PDZRN3: variants seen among roughly 807,000 people sequenced by gnomAD.
The protein encoded by PDZRN3 is E3 ubiquitin-protein ligase PDZRN3.
A neutral mutation model predicts 85.7 loss-of-function variants in PDZRN3; 38 were observed. The observed-to-expected ratio is 0.44, with a 90% CI of 0.34 to 0.58. PDZRN3 has a LOEUF of 0.58. Among genes scored for constraint, PDZRN3 ranks in the 20% least tolerant of loss-of-function variants. PDZRN3 has a pLI of 0.01. For missense variants in PDZRN3, 1,629 were observed against 1,506.4 expected, an observed-to-expected ratio of 1.08 and a Z score of -1.35; for synonymous variants, 759 against 638.0, an observed-to-expected ratio of 1.19 and a Z score of -2.86.
intron 3 of PDZRN3, among the ~76,000 whole-genome samples, chr3:73,576,622 T>C (rs1040271097): frequency 1.3e-5 from 2 of 152,224 alleles, no homozygotes; most frequent in African/African-American, 4.8e-5. Context: ...AAGACAAGCA[T>C]CACCACCAAA....
At chr3:73,501,213 C>T (rs1703971362) in intron 3 of PDZRN3, among the ~76,000 whole-genome samples, 1 of 152,188 alleles carries the variant, frequency 6.6e-6, no homozygotes, top group African/African-American at 2.4e-5. Flanking sequence ...ACAGCAGAAC[C>T]AGTTTCCCCA....
intron 1 of PDZRN3, among the ~76,000 whole-genome samples, chr3:73,617,243 T>A (rs1702777448): frequency 6.6e-6 from 1 of 152,218 alleles, no homozygotes; most frequent in Non-Finnish European, 1.5e-5. Context: ...GCCTCTGCTC[T>A]TTAAATTCCC....
Position 73,384,605 on chromosome 3 carries a change from C to T in PDZRN3, c.1961G>A (p.Cys654Tyr), listed in dbSNP as rs1042174685. The T allele has an allele frequency of 3.1e-6, 5 of 1,613,842 alleles. No individual in the cohort carries two copies. Among genetic ancestry groups the T allele is most frequent in the Admixed American group, 3.3e-5 (2 of 60,028 alleles). ...GTAAGGGGTGGCGCTCTTCACCTGG[C>T]ACTTGAGCTCCAGGAGCTCGCGGAA... ...ERFRELLELK[C>Y]QVKSATPYGL... The change falls in exon 10 of 10, where the codon TGC becomes TAC. Residue 654 changes from cysteine to tyrosine, a missense_variant. Coordinates refer to ENST00000263666, the MANE Select transcript of PDZRN3 (RefSeq NM_015009.3).
At chr3:73,621,926 C>G (rs761473706) in intron 1 of PDZRN3, 1 of 152,096 alleles carries the variant, frequency 6.6e-6, no homozygotes, top group Admixed American at 6.5e-5. Context: ...AGATTTTACC[C>G]AAACACTCCA....
chr3:73,542,860 T>C (rs959399011), intron 3 of PDZRN3, among the ~76,000 whole-genome samples: 12 of 152,170 alleles, frequency 7.9e-5, no homozygotes, highest in African/African-American at 2.7e-4. Context: ...TACATTAACT[T>C]CATACAGTCA....
chr3:73,599,322 T>C (rs1423555146), intron 3 of PDZRN3, among the ~76,000 whole-genome samples: 1 of 152,224 alleles, frequency 6.6e-6, no homozygotes. Flanking sequence ...GAGGACATTA[T>C]GCTAACTGAA....
In PDZRN3 at chr3:73,384,841, G is replaced by A; in HGVS notation, c.1725C>T (p.Asp575=). ...AGCTCTCGTCATTACGGGTGCTCTC[G>A]TCGGTCCGCCCCACACCGCTGTCCT... ...HEKDSGVGRT[D]ESTRNDESSE... Residue 575 remains aspartate (D), a synonymous_variant, in exon 10 of 10, where the codon GAC becomes GAT. Transcript: ENST00000263666. 6.2e-7 allele frequency: 1 copy of A among 1,614,138 alleles called. No homozygotes were observed. Among genetic ancestry groups the A allele is most frequent in the African/African-American group, 1.3e-5 (1 of 75,058 alleles).
chr3:73,475,454 T>G (rs1703429750), intron 3 of PDZRN3, among the ~76,000 whole-genome samples: 1 of 151,464 alleles, frequency 6.6e-6, no homozygotes, highest in Non-Finnish European at 1.5e-5. Flanking sequence ...TTCACAGGGT[T>G]CCCCCCCCAA....
chr3:73,492,709 T>C (rs900355785), intron 3 of PDZRN3, among the ~76,000 whole-genome samples: 4 of 152,162 alleles, frequency 2.6e-5, no homozygotes, highest in African/African-American at 9.7e-5. Context: ...GCTCTGCTGT[T>C]CCATAGGCCT....
intron 3 of PDZRN3, chr3:73,433,954 A>C: frequency 1.5e-6 from 2 of 1,341,398 alleles, no homozygotes; most frequent in Non-Finnish European, 1.9e-6. Context: ...ACACACAGAC[A>C]TACACGCACA....
chr3:73,431,467 C>T (rs768785448), intron 3 of PDZRN3, among the ~76,000 whole-genome samples: 21 of 152,194 alleles, frequency 1.4e-4, no homozygotes, highest in South Asian at 2.1e-4. Context: ...TGAAGCCAGA[C>T]GCACCGGACC....
At chr3:73,458,496 C>T (rs1054549577) in intron 3 of PDZRN3, among the ~76,000 whole-genome samples, 4 of 149,702 alleles carry the variant, frequency 2.7e-5, no homozygotes, top group African/African-American at 7.4e-5. Context: ...TTTTCTCCAA[C>T]GTTTATGCTT....
rs1168662549 is a variant in PDZRN3 at position 73,540,087 on chromosome 3, GAAAAAAAAAA to G, written c.918+62257_918+62266del. On this transcript the variant is annotated intron_variant, in intron 3 of 9. Coordinates refer to ENST00000263666, the MANE Select transcript of PDZRN3 (RefSeq NM_015009.3). ...ACAGATGCTCTGAAAACTGTTGGAT[GAAAAAAAAAA>G]AAAAAAAAAAAAAACAGTTCTCAAG... Among the ~76,000 whole-genome samples, 9 of 50,046 alleles carry G rather than the reference GAAAAAAAAAA, an allele frequency of 1.8e-4. No individual in the cohort carries two copies. In the East Asian group the frequency reaches 5.5e-3, roughly 31 times the overall value. The allele number at this position is 50,046 out of a possible 152,430, so 32.8% of individuals were successfully genotyped here. A position where few individuals can be genotyped will look rare whatever the true frequency, so the allele number is the denominator to read the frequency against.
intron 1 of PDZRN3, among the ~76,000 whole-genome samples, chr3:73,611,646 G>A (rs2106908982): frequency 6.6e-6 from 1 of 152,286 alleles, no homozygotes; most frequent in East Asian, 1.9e-4. Context: ...AGTCTGGGCT[G>A]AATTCCTTTC....
At chr3:73,555,658 T>C (rs1185072567) in intron 3 of PDZRN3, among the ~76,000 whole-genome samples, 1 of 152,098 alleles carries the variant, frequency 6.6e-6, no homozygotes, top group Non-Finnish European at 1.5e-5. Context: ...GAGGTAACAC[T>C]GACAGAAAAT....
At chr3:73,464,765 T>A (rs1703180212) in intron 3 of PDZRN3, among the ~76,000 whole-genome samples, 1 of 152,242 alleles carries the variant, frequency 6.6e-6, no homozygotes, top group South Asian at 2.1e-4. Flanking sequence ...ATTGTATGCA[T>A]TTATCATGTA....
At chr3:73,550,536 G>A (rs1701530107) in intron 3 of PDZRN3, among the ~76,000 whole-genome samples, 1 of 152,216 alleles carries the variant, frequency 6.6e-6, no homozygotes, top group Admixed American at 6.5e-5. Context: ...AGGCAAAATT[G>A]AAAACCACTG....
chr3:73,428,736 A>T (rs1332927587), intron 3 of PDZRN3, among the ~76,000 whole-genome samples: 1 of 152,222 alleles, frequency 6.6e-6, no homozygotes, highest in African/African-American at 2.4e-5. Flanking sequence ...TTTCAGAATC[A>T]ACATAAAAGT....
intron 3 of PDZRN3, among the ~76,000 whole-genome samples, chr3:73,592,094 C>T (rs752460469): frequency 1.6e-4 from 25 of 152,150 alleles, no homozygotes. Flanking sequence ...ACAGATCATG[C>T]TATATAAATC....
Sources: gnomAD v4.1 joint callset for allele counts (sites outside exome capture counted in the v4.1 genomes callset) on GRCh38, gnomAD v4.1.1 for gene constraint, MANE v1.5 for transcripts, NCBI Gene and HGNC (gene_info 2026-07-23, HGNC 2026-07-21) for gene names.